ARHGAP32: variants seen among roughly 807,000 people sequenced by gnomAD.
ARHGAP32 encodes Rho GTPase activating protein 32.
Under a neutral mutation model 186.5 loss-of-function variants are expected in ARHGAP32, and 51 were observed. The observed-to-expected ratio is 0.27, with a 90% CI of 0.22 to 0.35. The LOEUF (loss-of-function observed/expected upper bound fraction) is 0.35, where lower values mean the gene tolerates loss of function less well. Ranked by LOEUF, ARHGAP32 falls within the 10% of genes least tolerant of loss-of-function variation. ARHGAP32 has a pLI of 1.00. For synonymous variants in ARHGAP32, 950 were observed against 964.3 expected, an observed-to-expected ratio of 0.99 and a Z score of 0.27; for missense variants, 2,186 against 2,623.5, an observed-to-expected ratio of 0.83 and a Z score of 3.64.
intron 1 of ARHGAP32, among the ~76,000 whole-genome samples, chr11:129,199,227 A>C (rs1003558933): frequency 6.6e-6 from 1 of 152,196 alleles, no homozygotes; most frequent in Admixed American, 6.5e-5. Context: ...GAAAAGAAAA[A>C]CCCATTTTCC....
chr11:129,017,457 A>G (rs925342605), intron 11 of ARHGAP32, among the ~76,000 whole-genome samples: 6 of 151,620 alleles, frequency 4.0e-5, no homozygotes, highest in Admixed American at 2.0e-4. Context: ...CAAAAAAAAA[A>G]AAAAAGAAAA....
At chr11:129,196,724 T>C (rs1313059487), upstream of ARHGAP32, among the ~76,000 whole-genome samples, 1 of 152,140 alleles carries the variant, frequency 6.6e-6, no homozygotes, top group Non-Finnish European at 1.5e-5. Flanking sequence ...CTTAGCATCA[T>C]AATTTCTCCA....
intron 11 of ARHGAP32, among the ~76,000 whole-genome samples, chr11:129,010,337 T>C (rs567048299): frequency 6.6e-6 from 1 of 152,262 alleles, no homozygotes; most frequent in East Asian, 2.0e-4. Flanking sequence ...TTGCAATTGT[T>C]TTTGGTGTTT....
intron 1 of ARHGAP32, among the ~76,000 whole-genome samples, chr11:129,272,624 A>G (rs916055029): frequency 6.6e-6 from 1 of 152,246 alleles, no homozygotes; most frequent in African/African-American, 2.4e-5. Context: ...AGGAAGCCAC[A>G]GAGAATGGCA....
Position 128,970,438 on chromosome 11 carries a change from G to C in ARHGAP32, c.4775C>G (p.Pro1592Arg), listed in dbSNP as rs550726710. 1.9e-5 allele frequency: 30 copies of C among 1,614,200 alleles called. No individual in the cohort carries two copies. In the Admixed American group the frequency reaches 3.5e-4, roughly 19 times the overall value. The stretch of plus-strand genomic sequence containing the variant: ...GAGAGACTGCACTCTCCGGATGGTA[G>C]GGTACGGTGGAATGTCTTCGGGGTA... Reference protein sequence around the residue: ...TCYPEDIPPYPTIRRVQSLHA... With the variant: ...TCYPEDIPPYRTIRRVQSLHA... The change falls in exon 23 of 23, where the codon CCT becomes CGT. Residue 1592 changes from proline to arginine, a missense_variant. Transcript: ENST00000682385. This position sits in a 1 kb window ranked among gnomAD's most constrained non-coding sequence, Gnocchi z 5.8.
chr11:129,111,242 C>G (rs777790103), intron 5 of ARHGAP32, among the ~76,000 whole-genome samples: 3 of 152,084 alleles, frequency 2.0e-5, no homozygotes, highest in African/African-American at 7.2e-5. Context: ...TTGTGTATGT[C>G]AAAACATCTT....
At chr11:129,221,147 A>G (rs967175425) in intron 1 of ARHGAP32, among the ~76,000 whole-genome samples, 5 of 152,188 alleles carry the variant, frequency 3.3e-5, no homozygotes, top group African/African-American at 1.2e-4. Context: ...TTTCAGACAC[A>G]TAATTTTCCC....
intron 11 of ARHGAP32, among the ~76,000 whole-genome samples, chr11:129,018,677 C>T (rs140428041): frequency 5.3e-5 from 8 of 152,188 alleles, no homozygotes; most frequent in Admixed American, 4.6e-4. Context: ...TAAGCTTAAC[C>T]AACAAAGCTT....
intron 1 of ARHGAP32, among the ~76,000 whole-genome samples, chr11:129,173,432 C>T (rs1420741352): frequency 6.6e-6 from 1 of 151,884 alleles, no homozygotes; most frequent in Non-Finnish European, 1.5e-5. Context: ...CCACTCCAAA[C>T]AATTAAAAAG....
chr11:129,078,740 A>C (rs886453730), intron 6 of ARHGAP32, among the ~76,000 whole-genome samples: 2 of 152,050 alleles, frequency 1.3e-5, no homozygotes, highest in African/African-American at 4.8e-5. Context: ...TGATCTGCCC[A>C]CCTCAGCCTC....
intron 6 of ARHGAP32, among the ~76,000 whole-genome samples, chr11:129,086,256 C>A (rs1941390266): frequency 6.6e-6 from 1 of 152,100 alleles, no homozygotes; most frequent in Non-Finnish European, 1.5e-5. Context: ...TAGACACAGA[C>A]CTTACACCTT....
chr11:129,012,414 G>C (rs1192631027), intron 11 of ARHGAP32, among the ~76,000 whole-genome samples: 2 of 152,148 alleles, frequency 1.3e-5, no homozygotes, highest in Non-Finnish European at 2.9e-5. Flanking sequence ...ACTTTAAAAG[G>C]CTTAGAAATA....
chr11:129,156,863 G>T (rs1253788695), intron 2 of ARHGAP32, among the ~76,000 whole-genome samples: 2 of 152,172 alleles, frequency 1.3e-5, no homozygotes, highest in Non-Finnish European at 2.9e-5. Flanking sequence ...CCTCTGGGAC[G>T]AAGCTTCCAG....
chr11:129,071,917 T>C (rs1183229508), intron 6 of ARHGAP32, among the ~76,000 whole-genome samples: 4 of 152,250 alleles, frequency 2.6e-5, no homozygotes, highest in Middle Eastern at 3.4e-3. Flanking sequence ...ACAACACTGA[T>C]AAATCTGGAG....
chr11:129,155,959 G>C (rs1943393807), intron 2 of ARHGAP32, among the ~76,000 whole-genome samples: 1 of 152,220 alleles, frequency 6.6e-6, no homozygotes, highest in South Asian at 2.1e-4. Context: ...GCCTCACCTG[G>C]GAAGGGCAAG....
chr11:129,276,736 T>C (rs144431092), intron 1 of ARHGAP32, among the ~76,000 whole-genome samples: 1 of 152,346 alleles, frequency 6.6e-6, no homozygotes, highest in East Asian at 1.9e-4. Flanking sequence ...AAAACAGTTC[T>C]GCAGAGCATT....
At chr11:129,058,061 A>G (rs642622) in intron 10 of ARHGAP32, among the ~76,000 whole-genome samples, 92,182 of 151,826 alleles carry the variant, frequency 0.61, 28,833 homozygotes, top group Non-Finnish European at 0.7. Context: ...ATTTTACTAC[A>G]GTAGCCCTAG....
chr11:129,094,301 C>T (rs1213323967), intron 5 of ARHGAP32, among the ~76,000 whole-genome samples: 2 of 152,268 alleles, frequency 1.3e-5, no homozygotes, highest in African/African-American at 2.4e-5. Context: ...GCTATTATTA[C>T]ACATTGCATG....
chr11:129,094,047 C>G (rs1941661597), intron 5 of ARHGAP32, among the ~76,000 whole-genome samples: 1 of 152,014 alleles, frequency 6.6e-6, no homozygotes, highest in Non-Finnish European at 1.5e-5. Flanking sequence ...CTGCAGATAA[C>G]AGGTTGGGCC....
Sources: allele counts gnomAD v4.1 joint callset (sites outside exome capture counted in the v4.1 genomes callset), GRCh38; gene constraint gnomAD v4.1.1; non-coding constraint Gnocchi (gnomAD v3.1); transcripts MANE v1.5; gene names NCBI Gene and HGNC (gene_info 2026-07-23, HGNC 2026-07-21).